The following COBL variants were observed in gnomAD, a reference collection of about 807,000 sequenced individuals.
The protein encoded by COBL is protein cordon-bleu.
In COBL, 51 loss-of-function variants were observed where a neutral mutation model predicts 98.8. That is an observed-to-expected ratio of 0.52 (90% confidence interval 0.41 to 0.65). COBL has a LOEUF of 0.65. Among genes scored for constraint, COBL ranks in the 30% least tolerant of loss-of-function variants. COBL has a pLI of 0.00. For missense variants in COBL, 1,617 were observed against 1,617.5 expected (o/e 1.00, Z 0.01); for synonymous variants, 634 against 651.7 (o/e 0.97, Z 0.41).
At chr7:51,132,210 C>T (rs888215278) in intron 6 of COBL, among the ~76,000 whole-genome samples, 2 of 152,250 alleles carry the variant, frequency 1.3e-5, no homozygotes, top group African/African-American at 4.8e-5. Context: ...GCCCTCCCTG[C>T]TTTAGGCATG....
intron 5 of COBL, among the ~76,000 whole-genome samples, chr7:51,178,465 A>G (rs1161823630): frequency 1.3e-5 from 2 of 152,218 alleles, no homozygotes; most frequent in Non-Finnish European, 2.9e-5. Flanking sequence ...CATTAATACA[A>G]AGGCAAAACT....
intron 4 of COBL, 64 bp from the exon 5 acceptor site, chr7:51,184,263 A>T (rs1789270133): frequency 2.2e-6 from 2 of 891,210 alleles, no homozygotes; most frequent in Non-Finnish European, 3.4e-6. Flanking sequence ...TACTTTACTT[A>T]AAAAATCTTA....
chr7:51,017,743 C>T (rs1290891009), intron 12 of COBL, among the ~76,000 whole-genome samples, 175 bp from the exon 13 acceptor site: 2 of 152,166 alleles, frequency 1.3e-5, no homozygotes, highest in Non-Finnish European at 2.9e-5. Context: ...CCTCACAGAC[C>T]TTCTCACGCT....
At chr7:51,242,414 CTTTG>C (rs745315047) in intron 1 of COBL, among the ~76,000 whole-genome samples, 3 of 152,168 alleles carry the variant, frequency 2.0e-5, no homozygotes, top group Non-Finnish European at 4.4e-5. Context: ...TCTTTCCTTG[CTTTG>C]TTTGTGCATT....
intron 6 of COBL, among the ~76,000 whole-genome samples, chr7:51,113,715 C>T (rs111707687): frequency 6.6e-6 from 1 of 152,166 alleles, no homozygotes; most frequent in Non-Finnish European, 1.5e-5. Flanking sequence ...GAATAAATTT[C>T]TCTTCCATAT....
chr7:51,066,936 T>C (rs1791991549), intron 7 of COBL, among the ~76,000 whole-genome samples: 1 of 152,258 alleles, frequency 6.6e-6, no homozygotes, highest in Non-Finnish European at 1.5e-5. Context: ...TGGAAGACTA[T>C]TCATTTAAAC....
chr7:51,271,493 G>C (rs1034468297), intron 1 of COBL, among the ~76,000 whole-genome samples: 4 of 152,198 alleles, frequency 2.6e-5, no homozygotes, highest in African/African-American at 7.2e-5. Context: ...AATCCCACTA[G>C]TTAATTTTAC....
chr7:51,017,784 G>A (rs1681707376), intron 12 of COBL, among the ~76,000 whole-genome samples: 1 of 152,168 alleles, frequency 6.6e-6, no homozygotes, highest in Non-Finnish European at 1.5e-5. Flanking sequence ...GCCAGGGAAG[G>A]ACGACTAGCA....
At chr7:51,072,052 G>A (rs1413510807) in intron 7 of COBL, 2 of 151,450 alleles carry the variant, frequency 1.3e-5, no homozygotes, top group African/African-American at 2.4e-5. Flanking sequence ...TAATACCAAT[G>A]TAAGTTGTGA....
At chr7:51,019,845 T>G (rs1786747480) in intron 12 of COBL, among the ~76,000 whole-genome samples, 1 of 152,180 alleles carries the variant, frequency 6.6e-6, no homozygotes, top group Non-Finnish European at 1.5e-5. Flanking sequence ...TGATAGAAAT[T>G]GCTATTCCCT....
chr7:51,023,815 C>T (rs183267768), intron 12 of COBL, among the ~76,000 whole-genome samples: 3 of 152,204 alleles, frequency 2.0e-5, no homozygotes, highest in African/African-American at 7.2e-5. Flanking sequence ...CTCTACGGAG[C>T]ACACAGCTTG....
At chr7:51,065,006 A>G (rs1791756525) in intron 7 of COBL, 2 of 604,828 alleles carry the variant, frequency 3.3e-6, no homozygotes, top group Non-Finnish European at 5.9e-6. Context: ...AAGCTTTCAG[A>G]CAGACAGAAT....
intron 1 of COBL, among the ~76,000 whole-genome samples, chr7:51,235,814 C>T (rs187943973): frequency 6.6e-6 from 1 of 152,250 alleles, no homozygotes; most frequent in East Asian, 1.9e-4. Context: ...GGCCCTGACT[C>T]TCTAGCCTCA....
chr7:51,110,089 C>A (rs1184154348), intron 6 of COBL, among the ~76,000 whole-genome samples: 1 of 152,134 alleles, frequency 6.6e-6, no homozygotes, highest in Non-Finnish European at 1.5e-5. Flanking sequence ...TATCTTTAAC[C>A]TCAAACATTT....
intron 2 of COBL, among the ~76,000 whole-genome samples, chr7:51,200,341 T>C (rs1376667137): frequency 6.6e-6 from 1 of 152,174 alleles, no homozygotes; most frequent in African/African-American, 2.4e-5. Context: ...ACACAGAATA[T>C]TGTAATACTG....
At chr7:51,206,036 T>C (rs1162238336) in intron 2 of COBL, among the ~76,000 whole-genome samples, 5 of 152,044 alleles carry the variant, frequency 3.3e-5, no homozygotes, top group African/African-American at 1.2e-4. Flanking sequence ...AGACAAAAAA[T>C]AGCAAGTGTT....
chr7:51,041,589 T>C (rs1364953406), intron 8 of COBL, among the ~76,000 whole-genome samples: 2 of 147,536 alleles, frequency 1.4e-5, no homozygotes, highest in African/African-American at 5.0e-5. Flanking sequence ...GTTCAAGCGA[T>C]TCTCTTGCCT....
At chr7:51,277,468 A>G (rs1035222553) in intron 1 of COBL, among the ~76,000 whole-genome samples, 2 of 152,202 alleles carry the variant, frequency 1.3e-5, no homozygotes, top group African/African-American at 2.4e-5. Flanking sequence ...GTTAAAAAAT[A>G]TATCTTTAAA....
intron 2 of COBL, among the ~76,000 whole-genome samples, chr7:51,219,099 A>C (rs1793366607): frequency 6.6e-6 from 1 of 152,208 alleles, no homozygotes; most frequent in Non-Finnish European, 1.5e-5. Context: ...ATGATGAAGG[A>C]GACTTTGCCA....
Sources: allele counts gnomAD v4.1 joint callset (sites outside exome capture counted in the v4.1 genomes callset), GRCh38; gene constraint gnomAD v4.1.1; transcripts MANE v1.5; gene names NCBI Gene and HGNC (gene_info 2026-07-23, HGNC 2026-07-21).